Variants in NME2 observed in about 807,000 individuals in gnomAD.
NME2 encodes nucleoside diphosphate kinase B.
Under a neutral mutation model 17.8 loss-of-function variants are expected in NME2, and 18 were observed. That is an observed-to-expected ratio of 1.01 (90% CI 0.70 to 1.50). The LOEUF (loss-of-function observed/expected upper bound fraction) is 1.50. NME2 is among the 40% of genes most tolerant of loss of function. NME2 has a pLI of 0.00. For missense variants in NME2, 161 were observed against 195.6 expected, an observed-to-expected ratio of 0.82 and a Z score of 1.05; for synonymous variants, 74 against 71.4, an observed-to-expected ratio of 1.04 and a Z score of -0.19.
intron 2 of NME2, chr17:51,167,362 T>C: frequency 3.7e-6 from 1 of 273,532 alleles, no homozygotes; most frequent in Non-Finnish European, 7.1e-6. Flanking sequence ...AGTGCGGTGC[T>C]CCTCCTTTAG....
rs201461737 is a variant in NME2, at chr17:51,168,287, C to T, written c.172C>T (p.Arg58Ter). The T allele has an allele frequency of 5.3e-5, 86 of 1,613,848 alleles. No homozygotes were observed. The highest frequency in any genetic ancestry group is 1.6e-4 in the East Asian group (7 of 44,886). ...LKQHYIDLKDRPFFPGLVKYM... is the reference protein window; with the variant it reads ...LKQHYIDLKD Reference sequence around the variant, plus strand: ...GCAGCACTACATTGACCTGAAAGACCGACCATTCTTCCCTGGGCTGGTGAA... The same window carrying T: ...GCAGCACTACATTGACCTGAAAGACTGACCATTCTTCCCTGGGCTGGTGAA... Residue 58 changes from arginine to a stop codon, truncating the protein, a stop_gained, in exon 3 of 5, where the codon CGA becomes TGA. Transcript: ENST00000512737. LOFTEE classifies it high-confidence loss of function.
rs749109089 is a variant in NME2 at position 51,171,473 on chromosome 17, G to A, written c.342-14G>A. On this transcript the variant is annotated splice_polypyrimidine_tract_variant and intron_variant, in intron 4 of 4. Transcript: ENST00000512737. ...CTTTAAAACATGGCAACTTGTAATT[G>A]TTTTCTTTCTTAGGAACATCATTCA... The A allele has an allele frequency of 1.9e-6, 3 of 1,610,878 alleles. No individual in the cohort carries two copies. The highest frequency in any genetic ancestry group is 1.3e-5 in the African/African-American group (1 of 74,942).
At chr17:51,170,436 G>A (rs1332355767) in intron 4 of NME2, among the ~76,000 whole-genome samples, 1 of 151,752 alleles carries the variant, frequency 6.6e-6, no homozygotes, top group African/African-American at 2.4e-5. Flanking sequence ...CACCGCACTT[G>A]GCCTGAACTT....
At chr17:51,168,482 G>A (rs903457648) in intron 3 of NME2, 139 bp downstream of exon 3, 23 of 809,666 alleles carry the variant, frequency 2.8e-5, no homozygotes, top group Non-Finnish European at 3.6e-5. Flanking sequence ...TAGGAGCTTG[G>A]GAGGAGAAAG....
At chr17:51,170,461 TC>T (rs1444734685) in intron 4 of NME2, among the ~76,000 whole-genome samples, 1 of 151,792 alleles carries the variant, frequency 6.6e-6, no homozygotes, top group African/African-American at 2.4e-5. Context: ...TTGGTGATTA[TC>T]ATTGTATAAA....
intron 3 of NME2, 146 bp downstream of exon 3, chr17:51,168,489 A>G: frequency 1.3e-6 from 1 of 755,962 alleles, no homozygotes; most frequent in Non-Finnish European, 2.1e-6. Flanking sequence ...TTGGGAGGAG[A>G]AAGCAAATCA....
chr17:51,169,988 A>G lies in NME2; in HGVS notation c.280A>G (p.Thr94Ala). Residue 94 changes from threonine (T) to alanine (A), a missense_variant, in exon 4 of 5, where the codon ACC becomes GCC. Coordinates refer to ENST00000512737, the MANE Select transcript of NME2 (RefSeq NM_002512.4). ...VKTGRVMLGE[T>A]NPADSKPGTI... ...GACAGGCCGAGTGATGCTTGGGGAG[A>G]CCAATCCAGCAGATTCAAAGCCAGG... 3.1e-6 allele frequency: 5 copies of G among 1,613,080 alleles called. 1 individual carries two copies. In the South Asian group the frequency reaches 5.5e-5, roughly 18 times the overall value.
At position 51,170,141 on chromosome 17, in the gene NME2, CCTTT is replaced by C. The variant is rs1300576489; in HGVS notation, c.341+93_341+96del. 42 of 942,444 alleles carry C rather than the reference CCTTT, an allele frequency of 4.5e-5. No individual in the cohort carries two copies. In the East Asian group the frequency reaches 1.1e-3, roughly 24 times the overall value. The allele number at this position is 942,444 out of a possible 1,614,324, so 58.4% of individuals were successfully genotyped here. On this transcript the variant is annotated intron_variant, in intron 4 of 4. Coordinates refer to ENST00000512737, the MANE Select transcript of NME2 (RefSeq NM_002512.4). ...ATCCTACTTTCAGAAGAATCTGTGC[CCTTT>C]TTTTTTTTTTTTTTTCTTGAGACGG...
chr17:51,170,142 C>CTT (rs112707943), intron 4 of NME2, 93 bp downstream of exon 4: 8,715 of 606,442 alleles, frequency 0.014, no homozygotes, highest in South Asian at 0.02. Flanking sequence ...AATCTGTGCC[C>CTT]TTTTTTTTTT....
intron 3 of NME2, 132 bp from the exon 4 acceptor site, chr17:51,169,805 T>C: frequency 1.3e-6 from 1 of 771,050 alleles, no homozygotes; most frequent in South Asian, 1.7e-5. Flanking sequence ...GCCCCTACTC[T>C]CTGCTGGGGT....
intron 2 of NME2, among the ~76,000 whole-genome samples, chr17:51,167,817 A>G (rs2049980620): frequency 6.6e-6 from 1 of 151,846 alleles, no homozygotes; most frequent in Non-Finnish European, 1.5e-5. Context: ...TGTCTCTACA[A>G]ATAAATAAAT....
chr17:51,166,984 G>C, intron 2 of NME2, 28 bp downstream of exon 2: 1 of 1,609,178 alleles, frequency 6.2e-7, no homozygotes, highest in Non-Finnish European at 8.5e-7. Context: ...CCCCTTCCCC[G>C]CTGCAGCCGG....
At chr17:51,170,465 T>C (rs982180152) in intron 4 of NME2, among the ~76,000 whole-genome samples, 1 of 151,826 alleles carries the variant, frequency 6.6e-6, no homozygotes, top group African/African-American at 2.4e-5. Context: ...TGATTATCAT[T>C]GTATAAAAAC....
At chr17:51,171,404 CTG>C in intron 4 of NME2, 81 bp from the exon 5 acceptor site, 1 of 1,184,936 alleles carries the variant, frequency 8.4e-7, no homozygotes, top group South Asian at 1.4e-5. Flanking sequence ...CTGAAAGAGT[CTG>C]GAGTGCTGTC....
chr17:51,168,205 G>A, intron 2 of NME2, 37 bp from the exon 3 acceptor site: 1 of 1,609,252 alleles, frequency 6.2e-7, no homozygotes, highest in Non-Finnish European at 8.5e-7. Context: ...AGTCTTTCCA[G>A]CTTAGCTCCT....
Position 51,166,963 on chromosome 17 carries a change from C to G in NME2, c.126+7C>G, listed in dbSNP as rs1453948004. ...GGCCATGAAGTTCCTCCGGGTAACTCGCCCCCGTCTCCCCTTCCCCGCTGC... is the reference window on the plus strand; with the variant it reads ...GGCCATGAAGTTCCTCCGGGTAACTGGCCCCCGTCTCCCCTTCCCCGCTGC... On this transcript the variant is annotated splice_region_variant and intron_variant, in intron 2 of 4. Transcript: ENST00000512737. The G allele has an allele frequency of 1.2e-6, 2 of 1,612,852 alleles. No individual in the cohort carries two copies. The highest frequency in any genetic ancestry group is 2.2e-5 in the East Asian group (1 of 44,778).
In NME2 at chr17:51,166,497, GGTAA is replaced by G. The variant is rs1348661212; in HGVS notation, c.-5+2_-5+5del. The G allele has an allele frequency of 5.9e-6, 1 of 170,598 alleles. No individual in the cohort carries two copies. Among genetic ancestry groups the G allele is most frequent in the African/African-American group, 2.4e-5 (1 of 42,044 alleles). 10.6% of individuals were successfully genotyped at this position (170,598 alleles called of 1,614,324 possible). A position where few individuals can be genotyped will look rare whatever the true frequency, so the allele number is the denominator to read the frequency against. On this transcript the variant is annotated splice_donor_variant and splice_donor_region_variant and intron_variant, in intron 1 of 4. Coordinates refer to ENST00000512737, the MANE Select transcript of NME2 (RefSeq NM_002512.4). LOFTEE classifies it low-confidence loss of function (5UTR_SPLICE). ...CGCCGCCCGGCCCCTCCAGCTTCCC[GGTAA>G]GGCGGTGGGGGCGCATCCCCTGGCG...
At position 51,166,938 on chromosome 17, in the gene NME2, G is replaced by C. The variant is rs772816829; in HGVS notation, c.108G>C (p.Val36=). Reference sequence around the variant, plus strand: ...TCGAGCAGAAGGGATTCCGCCTCGTGGCCATGAAGTTCCTCCGGGTAACTC... The same window carrying C: ...TCGAGCAGAAGGGATTCCGCCTCGTCGCCATGAAGTTCCTCCGGGTAACTC... The part of the protein sequence containing the change: ...KRFEQKGFRL[V]AMKFLRASEE... Residue 36 remains valine, a synonymous_variant, in exon 2 of 5, where the codon GTG becomes GTC. Transcript: ENST00000512737. 6.2e-7 allele frequency: 1 copy of C among 1,613,662 alleles called. No homozygotes were observed. The highest frequency in any genetic ancestry group is 1.7e-5 in the Admixed American group (1 of 60,014).
intron 3 of NME2, among the ~76,000 whole-genome samples, chr17:51,168,894 C>T (rs899893127): frequency 1.3e-5 from 2 of 151,096 alleles, no homozygotes; most frequent in Non-Finnish European, 2.9e-5. Context: ...ACTTGGGAGG[C>T]GGAGGTTGCA....
Sources: gnomAD v4.1 joint callset for allele counts (sites outside exome capture counted in the v4.1 genomes callset) on GRCh38, gnomAD v4.1.1 for gene constraint, MANE v1.5 for transcripts, NCBI Gene and HGNC (gene_info 2026-07-23, HGNC 2026-07-21) for gene names.